GULP1: variants seen among roughly 807,000 people sequenced by gnomAD.
GULP1 encodes the protein PTB domain-containing engulfment adapter protein 1.
A neutral mutation model predicts 40.9 loss-of-function variants in GULP1; 19 were observed. That is an observed-to-expected ratio of 0.46 (90% confidence interval 0.32 to 0.68). The LOEUF (loss-of-function observed/expected upper bound fraction) is 0.68. GULP1 is among the 30% of genes least tolerant of loss of function. The pLI is 0.03. For missense variants in GULP1, 312 were observed against 362.2 expected (o/e 0.86, Z 1.12); for synonymous variants, 119 against 117.6 (o/e 1.01, Z -0.08).
chr2:188,349,621 T>C (rs2044173873), intron 1 of GULP1, among the ~76,000 whole-genome samples: 1 of 152,212 alleles, frequency 6.6e-6, no homozygotes, highest in Non-Finnish European at 1.5e-5. Context: ...CTCTATCAGA[T>C]GTATGATTTG....
chr2:188,441,448 CCT>C (rs1309890151), intron 2 of GULP1, among the ~76,000 whole-genome samples: 3 of 152,164 alleles, frequency 2.0e-5, no homozygotes, highest in African/African-American at 7.2e-5. Context: ...GCTTTGCCCT[CCT>C]CTAAATCCAG....
intron 2 of GULP1, among the ~76,000 whole-genome samples, chr2:188,467,226 A>G (rs2060200883): frequency 6.6e-6 from 1 of 152,212 alleles, no homozygotes; most frequent in Non-Finnish European, 1.5e-5. Flanking sequence ...CTGGAATTAA[A>G]CTGGAACAAA....
At chr2:188,382,237 A>G (rs1486434316) in intron 1 of GULP1, among the ~76,000 whole-genome samples, 3 of 152,154 alleles carry the variant, frequency 2.0e-5, no homozygotes, top group African/African-American at 7.2e-5. Context: ...CAGGGAATTA[A>G]TGCCCCTGGG....
chr2:188,482,801 T>A (rs536497157), intron 3 of GULP1, among the ~76,000 whole-genome samples: 3 of 151,664 alleles, frequency 2.0e-5, no homozygotes, highest in Non-Finnish European at 4.4e-5. Context: ...ACATTTTGAT[T>A]TACTGCATTT....
At chr2:188,433,605 A>G (rs186115650) in intron 2 of GULP1, among the ~76,000 whole-genome samples, 38 of 152,206 alleles carry the variant, frequency 2.5e-4, no homozygotes, top group African/African-American at 7.7e-4. Flanking sequence ...CTCTCAGTCG[A>G]GGGGCTTTCA....
intron 2 of GULP1, among the ~76,000 whole-genome samples, chr2:188,437,304 G>A (rs567055830): frequency 2.0e-5 from 3 of 152,008 alleles, no homozygotes; most frequent in Admixed American, 1.3e-4. Flanking sequence ...GAGCCCAAAC[G>A]ATCTAATTGG....
At chr2:188,513,019 TA>T (rs1281253998) in intron 4 of GULP1, among the ~76,000 whole-genome samples, 1 of 152,134 alleles carries the variant, frequency 6.6e-6, no homozygotes, top group East Asian at 1.9e-4. Context: ...CTGCAGCCTG[TA>T]AAATGCTGTC....
intron 2 of GULP1, among the ~76,000 whole-genome samples, chr2:188,470,018 C>CT: frequency 6.6e-6 from 1 of 152,132 alleles, no homozygotes; most frequent in East Asian, 1.9e-4. Context: ...TTATAGTTTT[C>CT]TTTTTTTCAG....
intron 2 of GULP1, among the ~76,000 whole-genome samples, chr2:188,405,235 C>T (rs2052899456): frequency 1.3e-5 from 2 of 152,136 alleles, no homozygotes; most frequent in Admixed American, 1.3e-4. Context: ...GATTCAGGCT[C>T]CAAGTTGGTC....
intron 10 of GULP1, 41 bp from the exon 11 acceptor site, chr2:188,587,814 T>C: frequency 9.2e-7 from 1 of 1,087,950 alleles, no homozygotes; most frequent in Middle Eastern, 2.0e-4. Flanking sequence ...TCCAGCTCAC[T>C]TCTTGTTATT....
intron 2 of GULP1, among the ~76,000 whole-genome samples, chr2:188,463,479 C>T (rs1404198405): frequency 6.6e-6 from 1 of 152,076 alleles, no homozygotes; most frequent in Non-Finnish European, 1.5e-5. Context: ...TGATTAAATG[C>T]CTTAGGAGTC....
chr2:188,325,767 AC>A (rs1299178096), intron 1 of GULP1, among the ~76,000 whole-genome samples: 1 of 152,004 alleles, frequency 6.6e-6, no homozygotes, highest in Non-Finnish European at 1.5e-5. Flanking sequence ...TCACTAGCCA[AC>A]CTTCTTACTT....
At chr2:188,323,675 TG>T (rs2040345692) in intron 1 of GULP1, among the ~76,000 whole-genome samples, 3 of 109,672 alleles carry the variant, frequency 2.7e-5, no homozygotes, top group Non-Finnish European at 6.2e-5. Flanking sequence ...TGTGTGTGTG[TG>T]TGTGTGTGTG....
At chr2:188,419,350 C>T (rs1240877117) in intron 2 of GULP1, among the ~76,000 whole-genome samples, 3 of 152,004 alleles carry the variant, frequency 2.0e-5, no homozygotes, top group Non-Finnish European at 4.4e-5. Context: ...TTCTCCATAC[C>T]CTGGTCAATA....
At chr2:188,336,966 T>A (rs1336123183) in intron 1 of GULP1, among the ~76,000 whole-genome samples, 1 of 152,198 alleles carries the variant, frequency 6.6e-6, no homozygotes, top group Non-Finnish European at 1.5e-5. Flanking sequence ...TTTGTTACCT[T>A]TGACACCTTT....
intron 1 of GULP1, among the ~76,000 whole-genome samples, chr2:188,380,280 GTCT>G (rs2048849494): frequency 6.6e-6 from 1 of 152,112 alleles, no homozygotes; most frequent in African/African-American, 2.4e-5. Context: ...TTGAGAAGGT[GTCT>G]TAAAGGCATA....
intron 2 of GULP1, among the ~76,000 whole-genome samples, chr2:188,451,549 C>T (rs1194803828): frequency 6.6e-6 from 1 of 152,048 alleles, no homozygotes; most frequent in Non-Finnish European, 1.5e-5. Flanking sequence ...TGAATATTTT[C>T]CAGCACTCAA....
chr2:188,336,866 T>TTATA (rs2042319571), intron 1 of GULP1, among the ~76,000 whole-genome samples: 1 of 152,172 alleles, frequency 6.6e-6, no homozygotes, highest in African/African-American at 2.4e-5. Context: ...GATCATGGAC[T>TTATA]TATAGTCAAT....
At chr2:188,519,750 G>T (rs1279205082) in intron 4 of GULP1, among the ~76,000 whole-genome samples, 2 of 152,104 alleles carry the variant, frequency 1.3e-5, no homozygotes, top group Admixed American at 1.3e-4. Flanking sequence ...TCTGACCCAG[G>T]CTAGTCAAAT....
Sources: allele counts gnomAD v4.1 joint callset (sites outside exome capture counted in the v4.1 genomes callset), GRCh38; gene constraint gnomAD v4.1.1; transcripts MANE v1.5; gene names NCBI Gene and HGNC (gene_info 2026-07-23, HGNC 2026-07-21).